SLF1: variants seen among roughly 807,000 people sequenced by gnomAD.
SLF1 encodes the protein SMC5/6 complex localization factor 1.
SLF1 carries 105 observed loss-of-function variants against 123.0 expected under a neutral mutation model. That is an observed-to-expected ratio of 0.85 (90% CI 0.73 to 1.00). The LOEUF (loss-of-function observed/expected upper bound fraction) is 1.00. Among genes scored for constraint, SLF1 ranks in the 50% least tolerant of loss-of-function variants. SLF1 has a pLI of 0.00. For missense variants in SLF1, 1,239 were observed against 1,223.0 expected (o/e 1.01, Z -0.20); for synonymous variants, 434 against 406.6 (o/e 1.07, Z -0.81).
rs2152501562 is a variant in SLF1 at position 94,697,333 on chromosome 5, AT to A, written c.*2025del. 6.6e-6 allele frequency: 1 copy of A among 151,996 alleles called. No individual in the cohort carries two copies. Among genetic ancestry groups the A allele is most frequent in the South Asian group, 2.1e-4 (1 of 4,828 alleles). The allele number at this position is 151,996 out of a possible 1,614,324, so 9.4% of individuals were successfully genotyped here. On this transcript the variant is annotated 3_prime_UTR_variant, in exon 21 of 21. Coordinates refer to ENST00000265140, the MANE Select transcript of SLF1 (RefSeq NM_032290.4). ...TTCCCAAAATTACTTCTTATACTTT[AT>A]TTTAGAAAACATAATAATAATTGCC...
Position 94,688,596 on chromosome 5 carries a change from T to A in SLF1, c.2212T>A (p.Phe738Ile). 1 of 1,614,138 alleles carries A rather than the reference T, an allele frequency of 6.2e-7. No individual in the cohort carries two copies. Among genetic ancestry groups the A allele is most frequent in the Non-Finnish European group, 8.5e-7 (1 of 1,179,990 alleles). ...VSKKIGQRPCFDSQRTLLMLN... is the reference protein window; with the variant it reads ...VSKKIGQRPCIDSQRTLLMLN... ...AAAGAAAATAGGACAGCGGCCTTGT[T>A]TTGACTCTCAGAGAACCTTACTAAT... The change falls in exon 17 of 21, where the codon TTT becomes ATT. Residue 738 changes from phenylalanine to isoleucine, a missense_variant. Transcript: ENST00000265140.
intron 5 of SLF1, among the ~76,000 whole-genome samples, chr5:94,644,817 T>C (rs1373874357): frequency 6.6e-6 from 1 of 152,212 alleles, no homozygotes; most frequent in African/African-American, 2.4e-5. Context: ...TATTTCCCCA[T>C]GTAGACCAAA....
At chr5:94,643,924 C>T (rs1402871601) in intron 5 of SLF1, among the ~76,000 whole-genome samples, 1 of 152,008 alleles carries the variant, frequency 6.6e-6, no homozygotes, top group Non-Finnish European at 1.5e-5. Context: ...GAAGAGAACC[C>T]TTAGTATGTC....
chr5:94,676,118 A>G (rs1391203552), intron 14 of SLF1, among the ~76,000 whole-genome samples: 1 of 152,122 alleles, frequency 6.6e-6, no homozygotes, highest in Admixed American at 6.6e-5. Flanking sequence ...TTCTTTCCTG[A>G]GTACTGTCAC....
intron 9 of SLF1, among the ~76,000 whole-genome samples, chr5:94,659,313 A>AT (rs1252527211): frequency 1.3e-5 from 2 of 150,918 alleles, no homozygotes; most frequent in Non-Finnish European, 3.0e-5. Context: ...CATCATTTTA[A>AT]TTTTTTTTAG....
chr5:94,651,269 A>G (rs1747691664), intron 6 of SLF1, among the ~76,000 whole-genome samples: 1 of 152,220 alleles, frequency 6.6e-6, no homozygotes, highest in Non-Finnish European at 1.5e-5. Flanking sequence ...ACAATGACGA[A>G]ATCAACTAAC....
At chr5:94,652,198 A>G (rs531435014) in intron 7 of SLF1, among the ~76,000 whole-genome samples, 4 of 151,950 alleles carry the variant, frequency 2.6e-5, no homozygotes, top group African/African-American at 4.8e-5. Context: ...TTCAGTAGAG[A>G]CTGGGTTTCA....
chr5:94,621,513 A>G (rs1011744466), intron 1 of SLF1, among the ~76,000 whole-genome samples: 3 of 152,102 alleles, frequency 2.0e-5, no homozygotes, highest in Non-Finnish European at 4.4e-5. Flanking sequence ...AAGTAAACCA[A>G]ATTTCCTAGG....
chr5:94,666,886 C>G (rs1230119709), intron 12 of SLF1, among the ~76,000 whole-genome samples: 2 of 150,758 alleles, frequency 1.3e-5, no homozygotes, highest in African/African-American at 4.9e-5. Flanking sequence ...CTCAAGTGAT[C>G]TGCCTGACTT....
At chr5:94,649,030 T>C (rs1019114444) in intron 5 of SLF1, among the ~76,000 whole-genome samples, 1 of 152,154 alleles carries the variant, frequency 6.6e-6, no homozygotes, top group Non-Finnish European at 1.5e-5. Context: ...AACCTTTTCC[T>C]CTCTATGTGG....
At chr5:94,677,191 C>G (rs945954650) in intron 14 of SLF1, among the ~76,000 whole-genome samples, 1 of 152,096 alleles carries the variant, frequency 6.6e-6, no homozygotes, top group Non-Finnish European at 1.5e-5. Flanking sequence ...ATTCTAATCC[C>G]TAAAATTCCA....
intron 17 of SLF1, among the ~76,000 whole-genome samples, chr5:94,689,074 A>G (rs979768364): frequency 1.1e-4 from 17 of 152,330 alleles, no homozygotes; most frequent in African/African-American, 3.8e-4. Context: ...TGTATGTTGT[A>G]TAAAACTCAG....
Position 94,695,503 on chromosome 5 carries a change from A to AG in SLF1, c.*194dup. 2.0e-6 allele frequency: 1 copy of AG among 489,434 alleles called. No homozygotes were observed. 30.3% of individuals were successfully genotyped at this position (489,434 alleles called of 1,614,324 possible). ...CTAGTATGGGCTTCTGACTTTTTCCAGGGTGTAGAATTTGACTCAAAAGTA... is the reference window on the plus strand; with the variant it reads ...CTAGTATGGGCTTCTGACTTTTTCCAGGGGTGTAGAATTTGACTCAAAAGTA... On this transcript the variant is annotated 3_prime_UTR_variant, in exon 21 of 21. Coordinates refer to ENST00000265140, the MANE Select transcript of SLF1 (RefSeq NM_032290.4).
chr5:94,651,724 A>G lies in SLF1; in HGVS notation c.761A>G (p.Asp254Gly). 6.6e-7 allele frequency: 1 copy of G among 1,521,378 alleles called. No homozygotes were observed. The highest frequency in any genetic ancestry group is 8.8e-7 in the Non-Finnish European group (1 of 1,135,858). 94.2% of individuals were successfully genotyped at this position (1,521,378 alleles called of 1,614,324 possible). A position where few individuals can be genotyped will look rare whatever the true frequency, so the allele number is the denominator to read the frequency against. The change falls in exon 7 of 21, where the codon GAT becomes GGT. Residue 254 changes from aspartate to glycine, a missense_variant. By Grantham distance (94) the Asp-to-Gly change is moderately conservative (BLOSUM62 -1). Transcript: ENST00000265140. ...RTQKEMQNHEDVNVGSILIQH... is the reference protein window; with the variant it reads ...RTQKEMQNHEGVNVGSILIQH... Reference sequence around the variant, plus strand: ...CAGAAAGAAATGCAAAATCATGAAGATGTTAATGTTGGTTCTATTTTGATT... The same window carrying G: ...CAGAAAGAAATGCAAAATCATGAAGGTGTTAATGTTGGTTCTATTTTGATT...
chr5:94,629,414 C>CA (rs5869632), intron 3 of SLF1, among the ~76,000 whole-genome samples: 6,315 of 147,098 alleles, frequency 0.043, 243 homozygotes, highest in East Asian at 0.21. Context: ...TTGTTTAAGA[C>CA]AAAAAAAAAA....
intron 15 of SLF1, among the ~76,000 whole-genome samples, chr5:94,684,554 T>C (rs889017252): frequency 4.0e-5 from 6 of 151,710 alleles, no homozygotes; most frequent in Non-Finnish European, 7.4e-5. Flanking sequence ...AAAAATTAGC[T>C]GGGCGTGGTG....
At chr5:94,686,750 T>A (rs763457458) in intron 16 of SLF1, 32 bp downstream of exon 16, 2 of 1,571,318 alleles carry the variant, frequency 1.3e-6, no homozygotes, top group South Asian at 1.2e-5. Flanking sequence ...TTCTTTACAT[T>A]TTCAAGAAGT....
At position 94,663,886 on chromosome 5, in the gene SLF1, C is replaced by A; in HGVS notation, c.1346C>A (p.Ala449Asp). The change falls in exon 11 of 21, where the codon GCC (alanine) becomes GAC (aspartate). Residue 449 changes from alanine to aspartate, a missense_variant. Coordinates refer to ENST00000265140, the MANE Select transcript of SLF1 (RefSeq NM_032290.4). ...HYIPPVCVLH[A>D]LLENVLQDNI... is the part of the protein sequence containing the mutation. ...ATCCCTCCTGTATGCGTTCTTCATG[C>A]CCTTCTAGAGAACGTTCTACAGGTA... The A allele has an allele frequency of 6.5e-7, 1 of 1,540,550 alleles. No individual in the cohort carries two copies. Among genetic ancestry groups the A allele is most frequent in the Non-Finnish European group, 8.7e-7 (1 of 1,143,728 alleles).
intron 16 of SLF1, 138 bp downstream of exon 16, chr5:94,686,856 C>T (rs112535260): frequency 0.082 from 81,808 of 996,588 alleles, 3,693 homozygotes; most frequent in South Asian, 0.12. Context: ...GGCGCAATCG[C>T]GGCTCACTGT....
Sources: allele counts gnomAD v4.1 joint callset (sites outside exome capture counted in the v4.1 genomes callset), GRCh38; gene constraint gnomAD v4.1.1; transcripts MANE v1.5; gene names NCBI Gene and HGNC (gene_info 2026-07-23, HGNC 2026-07-21).